The following DYSF variants were observed in gnomAD, a reference collection of about 807,000 sequenced individuals.
DYSF encodes the protein dystrophy-associated fer-1-like 1.
DYSF carries 212 observed loss-of-function variants against 274.9 expected under a neutral mutation model. That is an observed-to-expected ratio of 0.77 (90% CI 0.69 to 0.86). The LOEUF (loss-of-function observed/expected upper bound fraction) is 0.86. Among genes scored for constraint, DYSF ranks in the 40% least tolerant of loss-of-function variants. The pLI is 0.00. For synonymous variants in DYSF, 1,091 were observed against 1,078.7 expected (o/e 1.01, Z -0.22); for missense variants, 2,666 against 2,783.2 (o/e 0.96, Z 0.95).
At chr2:71,477,545 G>A (rs2082489731) in intron 1 of DYSF, among the ~76,000 whole-genome samples, 1 of 152,198 alleles carries the variant, frequency 6.6e-6, no homozygotes, top group South Asian at 2.1e-4. Context: ...ACAGAAGGCT[G>A]ATGGTGACAT....
intron 52 of DYSF, among the ~76,000 whole-genome samples, chr2:71,677,523 G>T (rs1016453118): frequency 6.6e-6 from 1 of 152,076 alleles, no homozygotes; most frequent in Non-Finnish European, 1.5e-5. Context: ...ATAGCTGAAG[G>T]TATCCTGGGA....
intron 1 of DYSF, among the ~76,000 whole-genome samples, chr2:71,469,182 C>T (rs571764297): frequency 9.9e-5 from 15 of 152,200 alleles, no homozygotes; most frequent in East Asian, 5.8e-4. Flanking sequence ...GAAATTAATG[C>T]GCTCCCCATT....
rs767286898 is a variant in DYSF at position 71,528,427 on chromosome 2, T to C, written c.1380+26T>C. 2.6e-5 allele frequency: 42 copies of C among 1,598,644 alleles called. No homozygotes were observed. In the East Asian group the frequency reaches 8.0e-4, roughly 31 times the overall value. On this transcript the variant is annotated intron_variant, in intron 14 of 55. Coordinates refer to ENST00000410020, the MANE Select transcript of DYSF (RefSeq NM_001130987.2). ...GTAAGGAGCAAGGGAGCAGGAGGGT[T>C]CTCTCGGGAGGGGACTTTCTGGTGC...
At position 71,478,297 on chromosome 2, in the gene DYSF, C is replaced by T. The variant is rs377056960; in HGVS notation, c.92-2586C>T. 2.8e-4 allele frequency among the ~76,000 whole-genome samples: 43 copies of T among 151,632 alleles called. No homozygotes were observed. In the South Asian group the frequency reaches 3.8e-3, roughly 13 times the overall value. ...TGCCATCTCGGCTCACTGCAAGCCCCGCCTCCTGGGTTCACGCCATTCTCC... is the reference window on the plus strand; with the variant it reads ...TGCCATCTCGGCTCACTGCAAGCCCTGCCTCCTGGGTTCACGCCATTCTCC... On this transcript the variant is annotated intron_variant, in intron 1 of 55. Coordinates refer to ENST00000410020, the MANE Select transcript of DYSF (RefSeq NM_001130987.2).
chr2:71,551,841 C>A (rs975645690), intron 19 of DYSF, 121 bp downstream of exon 19: 1 of 735,204 alleles, frequency 1.4e-6, no homozygotes, highest in Non-Finnish European at 2.3e-6. Flanking sequence ...ACGCATCGTG[C>A]CTTTACCTCC....
chr2:71,620,732 A>G, intron 41 of DYSF, 123 bp downstream of exon 41: 1 of 1,046,394 alleles, frequency 9.6e-7, no homozygotes, highest in Admixed American at 2.2e-5. Context: ...CCTGAGCCCT[A>G]GCAGGGAAGT....
At chr2:71,571,050 ACACACAGATCACACCCAG>A (rs2092396692) in intron 29 of DYSF, 1 of 425,554 alleles carries the variant, frequency 2.3e-6, no homozygotes, top group Non-Finnish European at 4.2e-6. Context: ...CACCCAGCAC[ACACACAGATCACACCCAG>A]CACACAGATT....
chr2:71,483,168 C>T (rs1432981922), intron 3 of DYSF, among the ~76,000 whole-genome samples: 1 of 152,266 alleles, frequency 6.6e-6, no homozygotes, highest in South Asian at 2.1e-4. Context: ...CACTGGGCCC[C>T]CAAAAGTGTG....
Position 71,679,419 on chromosome 2 carries a change from C to T in DYSF, c.6063+184C>T, listed in dbSNP as rs557398927. 9.9e-5 allele frequency among the ~76,000 whole-genome samples: 15 copies of T among 151,936 alleles called. No individual in the cohort carries two copies. In the East Asian group the frequency reaches 1.4e-3, roughly 14 times the overall value. On this transcript the variant is annotated intron_variant, in intron 53 of 55. Transcript: ENST00000410020. Reference sequence around the variant, plus strand: ...ATTCTCCCTCTTTCCTCCCAATTCCCGGTCGCCTTCTCCTTTGCGGCTCAC... The same window carrying T: ...ATTCTCCCTCTTTCCTCCCAATTCCTGGTCGCCTTCTCCTTTGCGGCTCAC...
At chr2:71,527,216 C>T (rs547788088) in intron 13 of DYSF, among the ~76,000 whole-genome samples, 5 of 152,038 alleles carry the variant, frequency 3.3e-5, no homozygotes, top group Admixed American at 1.3e-4. Flanking sequence ...GGTGAGGCCC[C>T]GCTGTGAGCC....
At chr2:71,479,024 C>T (rs1375674328) in intron 1 of DYSF, among the ~76,000 whole-genome samples, 2 of 151,942 alleles carry the variant, frequency 1.3e-5, no homozygotes, top group Admixed American at 1.3e-4. Context: ...ACTGGGGCTC[C>T]TGGGAGATGT....
intron 36 of DYSF, among the ~76,000 whole-genome samples, chr2:71,604,356 C>T (rs190549760): frequency 6.6e-6 from 1 of 151,904 alleles, no homozygotes; most frequent in Non-Finnish European, 1.5e-5. Context: ...GTAAGTAGGA[C>T]CGCAGCAGGG....
chr2:71,554,016 A>T (rs916065319), intron 21 of DYSF, 85 bp downstream of exon 21: 2 of 1,589,848 alleles, frequency 1.3e-6, no homozygotes, highest in African/African-American at 2.7e-5. Flanking sequence ...ACCACCACCC[A>T]CTGGTGCACA....
intron 40 of DYSF, among the ~76,000 whole-genome samples, chr2:71,618,183 T>C (rs1390212873): frequency 5.4e-5 from 5 of 92,106 alleles, no homozygotes; most frequent in South Asian, 3.8e-4. Flanking sequence ...AGAGGTGGGG[T>C]ATAAGTGTGT....
intron 22 of DYSF, among the ~76,000 whole-genome samples, chr2:71,558,562 C>T (rs550257947): frequency 2.6e-4 from 39 of 152,308 alleles, no homozygotes; most frequent in African/African-American, 7.2e-4. Context: ...ACATGACCCC[C>T]GTGTTGTTTG....
At position 71,598,725 on chromosome 2, in the gene DYSF, C is replaced by G. The variant is rs1313903780; in HGVS notation, c.3736C>G (p.Leu1246Val). The change falls in exon 33 of 56, where the codon CTG (leucine) becomes GTG (valine). Residue 1246 changes from leucine (L) to valine (V), a missense_variant. Leu to Val is a conservative substitution (Grantham distance 32). This residue lies in a region of DYSF where 1,460 missense variants were observed against 1,502.1 expected (regional missense o/e 0.97). Transcript: ENST00000410020. ...AEQPPSIVVE[L>V]YDHDTYGADE... ...GCAACCGCCCAGCATTGTGGTGGAG[C>G]TGTACGACCATGACACTTATGTGAG... The G allele has an allele frequency of 6.2e-7, 1 of 1,613,156 alleles. No individual in the cohort carries two copies. The highest frequency in any genetic ancestry group is 2.2e-5 in the East Asian group (1 of 44,886).
intron 36 of DYSF, among the ~76,000 whole-genome samples, chr2:71,608,414 G>A (rs2093684126): frequency 6.6e-6 from 1 of 152,138 alleles, no homozygotes. Flanking sequence ...GAAATGGCAG[G>A]GAAGAAGCAT....
intron 24 of DYSF, among the ~76,000 whole-genome samples, chr2:71,566,536 AG>A (rs2092118685): frequency 6.6e-6 from 1 of 151,472 alleles, no homozygotes; most frequent in Admixed American, 6.6e-5. Context: ...GCACCAGCAG[AG>A]AGAGAGAGGA....
chr2:71,663,787 T>A (rs1261507137), intron 45 of DYSF, among the ~76,000 whole-genome samples: 5 of 152,192 alleles, frequency 3.3e-5, no homozygotes, highest in African/African-American at 1.2e-4. Context: ...GCCTGGAGTT[T>A]CCAGTCATCG....
Sources: gnomAD v4.1 joint callset for allele counts (sites outside exome capture counted in the v4.1 genomes callset) on GRCh38, gnomAD v4.1.1 for gene constraint, gnomAD v4.1.1 regional missense constraint, MANE v1.5 for transcripts, NCBI Gene and HGNC (gene_info 2026-07-23, HGNC 2026-07-21) for gene names.